The following IL1RAPL1 variants were observed in gnomAD, a reference collection of about 807,000 sequenced individuals.
The protein encoded by IL1RAPL1 is interleukin 1 receptor accessory protein like 1.
In IL1RAPL1, 3 loss-of-function variants were observed where a neutral mutation model predicts 48.4. That is an observed-to-expected ratio of 0.06 (90% confidence interval 0.03 to 0.16). The LOEUF (loss-of-function observed/expected upper bound fraction) is 0.16. Ranked by LOEUF, IL1RAPL1 falls within the 10% of genes least tolerant of loss-of-function variation. The pLI is 1.00. For synonymous variants in IL1RAPL1, 185 were observed against 187.7 expected (o/e 0.99, Z 0.12); for missense variants, 349 against 530.6 (o/e 0.66, Z 3.36).
At chrX:28,735,756 C>A (rs1275494937) in intron 1 of IL1RAPL1, among the ~76,000 whole-genome samples, 1 of 110,186 alleles carries the variant, frequency 9.1e-6, no homozygotes, top group Non-Finnish European at 1.9e-5. Context: ...GACAGCAGGG[C>A]AATACCCTGT....
chrX:29,236,558 T>C (rs1406372138), intron 2 of IL1RAPL1, among the ~76,000 whole-genome samples: 2,045 of 39,472 alleles, frequency 0.052, 88 homozygotes, highest in African/African-American at 0.1. Flanking sequence ...TTTTTTTTTT[T>C]TTTTTTTTTT....
At chrX:29,486,612 CAAAAAAAAAAA>C (rs768358495) in intron 5 of IL1RAPL1, among the ~76,000 whole-genome samples, 3 of 40,914 alleles carry the variant, frequency 7.3e-5, no homozygotes, top group Non-Finnish European at 8.2e-5. Flanking sequence ...AAGTGCTATA[CAAAAAAAAAAA>C]AAAAAAAAAA....
intron 2 of IL1RAPL1, among the ~76,000 whole-genome samples, chrX:28,971,232 T>G (rs1490806620): frequency 8.9e-6 from 1 of 112,054 alleles, no homozygotes; most frequent in Admixed American, 9.5e-5. Flanking sequence ...AGATAAGATG[T>G]TTTTCCCCTA....
At chrX:28,909,808 C>T (rs1923311600) in intron 2 of IL1RAPL1, among the ~76,000 whole-genome samples, 1 of 111,484 alleles carries the variant, frequency 9.0e-6, no homozygotes, top group African/African-American at 3.2e-5. Context: ...TATTCCCCTT[C>T]GCAAATTTGC....
At chrX:29,164,927 G>A (rs749148171) in intron 2 of IL1RAPL1, among the ~76,000 whole-genome samples, 1 of 111,872 alleles carries the variant, frequency 8.9e-6, no homozygotes, top group African/African-American at 3.2e-5. Flanking sequence ...AGCATAAACA[G>A]GGTGAGTGCA....
At chrX:29,034,412 A>C (rs2147411882) in intron 2 of IL1RAPL1, among the ~76,000 whole-genome samples, 1 of 111,920 alleles carries the variant, frequency 8.9e-6, no homozygotes, top group African/African-American at 3.2e-5. Context: ...AATATTAACT[A>C]ATATTTGTAA....
At chrX:28,858,869 C>T (rs1921870567) in intron 2 of IL1RAPL1, among the ~76,000 whole-genome samples, 1 of 112,490 alleles carries the variant, frequency 8.9e-6, no homozygotes, top group East Asian at 2.8e-4. Context: ...AAATTATCTG[C>T]AGAAGATACA....
intron 1 of IL1RAPL1, among the ~76,000 whole-genome samples, chrX:28,675,230 A>T (rs1196918420): frequency 3.6e-5 from 4 of 112,114 alleles, no homozygotes; most frequent in Admixed American, 1.9e-4. Context: ...TTTTAGACTT[A>T]CACATTTTAA....
chrX:29,841,388 CTGTT>C (rs1457919629), intron 6 of IL1RAPL1, among the ~76,000 whole-genome samples: 1 of 111,579 alleles, frequency 9.0e-6, no homozygotes, highest in African/African-American at 3.3e-5. Flanking sequence ...AATCTATCGT[CTGTT>C]TATGTGCTAG....
Position 29,126,668 on chromosome X carries a change from T to A in IL1RAPL1, c.83-156270T>A, listed in dbSNP as rs190735993. Among the ~76,000 whole-genome samples the A allele has an allele frequency of 8.0e-5, 9 of 112,504 alleles. No individual in the cohort carries two copies. In the East Asian group the frequency reaches 2.5e-3, roughly 31 times the overall value. On this transcript the variant is annotated intron_variant, in intron 2 of 10. Coordinates refer to ENST00000378993, the MANE Select transcript of IL1RAPL1 (RefSeq NM_014271.4). ...ACTTTCACCATTTTTCACAGGGTCA[T>A]TTGTTGGTAAAATTATCTCCTGTAC...
intron 2 of IL1RAPL1, among the ~76,000 whole-genome samples, chrX:28,949,765 C>T (rs1397329944): frequency 3.9e-4 from 42 of 108,906 alleles, no homozygotes; most frequent in East Asian, 5.9e-4. Flanking sequence ...TCATGTCCTT[C>T]GCCCACTTTT....
intron 1 of IL1RAPL1, among the ~76,000 whole-genome samples, chrX:28,726,515 A>G (rs1935678558): frequency 8.9e-6 from 1 of 112,061 alleles, no homozygotes; most frequent in Admixed American, 9.5e-5. Context: ...TTGTGGTAGA[A>G]TTAAAACTTT....
chrX:29,252,233 T>A (rs1459890314), intron 2 of IL1RAPL1, among the ~76,000 whole-genome samples: 1 of 110,877 alleles, frequency 9.0e-6, no homozygotes, highest in Non-Finnish European at 1.9e-5. Context: ...ACCTGCACAT[T>A]GTGCACATGT....
chrX:29,840,164 A>G (rs1041706479), intron 6 of IL1RAPL1, among the ~76,000 whole-genome samples: 29 of 111,557 alleles, frequency 2.6e-4, no homozygotes, highest in Non-Finnish European at 4.5e-4. Context: ...TGACATTACA[A>G]TCAAATAATC....
intron 5 of IL1RAPL1, among the ~76,000 whole-genome samples, chrX:29,484,004 T>TTA (rs1316339207): frequency 2.2e-5 from 2 of 91,989 alleles, no homozygotes; most frequent in African/African-American, 8.2e-5. Flanking sequence ...AGTAGTCCAT[T>TTA]AAAAAAAAAA....
intron 2 of IL1RAPL1, among the ~76,000 whole-genome samples, chrX:29,221,616 CACAT>C (rs1443597147): frequency 3.1e-3 from 153 of 49,125 alleles, no homozygotes; most frequent in Non-Finnish European, 4.7e-3. Context: ...TGTATACACA[CACAT>C]ACACACACAC....
intron 5 of IL1RAPL1, among the ~76,000 whole-genome samples, chrX:29,402,758 A>C (rs1237916993): frequency 1.9e-5 from 2 of 106,510 alleles, no homozygotes; most frequent in Non-Finnish European, 3.9e-5. Context: ...TGTCTCCTTA[A>C]GATACTCTTG....
chrX:29,076,005 A>G (rs1927662433), intron 2 of IL1RAPL1, among the ~76,000 whole-genome samples: 1 of 111,701 alleles, frequency 9.0e-6, no homozygotes, highest in Admixed American at 9.5e-5. Context: ...AATTTTGTCC[A>G]TTGAAAAATG....
At chrX:28,610,267 A>C (rs943943238) in intron 1 of IL1RAPL1, among the ~76,000 whole-genome samples, 3 of 112,037 alleles carry the variant, frequency 2.7e-5, no homozygotes, top group Non-Finnish European at 5.6e-5. Flanking sequence ...GTTTCTGTAC[A>C]GCAGGCTTCT....
Sources: allele counts gnomAD v4.1 joint callset (sites outside exome capture counted in the v4.1 genomes callset), GRCh38; gene constraint gnomAD v4.1.1; transcripts MANE v1.5; gene names NCBI Gene and HGNC (gene_info 2026-07-23, HGNC 2026-07-21).